Variants in COQ10A observed in about 807,000 individuals in gnomAD.
COQ10A encodes coenzyme Q10A.
COQ10A carries 25 observed loss-of-function variants against 26.1 expected under a neutral mutation model. That is an observed-to-expected ratio of 0.96 (90% CI 0.70 to 1.34). COQ10A has a LOEUF of 1.34. Ranked by LOEUF, COQ10A falls within the 40% of genes most tolerant of loss-of-function variation. The probability of loss-of-function intolerance (pLI) is 0.00; values close to 1 mark genes in which losing one functional copy is unlikely to be tolerated. For missense variants in COQ10A, 312 were observed against 335.4 expected (o/e 0.93, Z 0.54); for synonymous variants, 132 against 124.0 (o/e 1.06, Z -0.43).
intron 2 of COQ10A, 185 bp downstream of exon 2, chr12:56,268,125 T>G: frequency 1.3e-6 from 1 of 744,710 alleles, no homozygotes; most frequent in East Asian, 2.6e-5. Context: ...CCTTCTTGGT[T>G]GCTGTGCATG....
intron 4 of COQ10A, 144 bp from the exon 5 acceptor site, chr12:56,270,006 C>A: frequency 1.3e-6 from 1 of 753,114 alleles, no homozygotes; most frequent in Non-Finnish European, 2.2e-6. Flanking sequence ...ACTCCGTGCT[C>A]AGTCCCAAGT....
At chr12:56,267,679 G>A (rs775538088) in intron 1 of COQ10A, 115 bp from the exon 2 acceptor site, 1 of 1,437,054 alleles carries the variant, frequency 7.0e-7, no homozygotes, top group Non-Finnish European at 9.8e-7. Context: ...AGGTGCTGGG[G>A]GGAAAGCTTG....
chr12:56,269,906 C>T, intron 4 of COQ10A: 4 of 547,390 alleles, frequency 7.3e-6, no homozygotes, highest in South Asian at 2.1e-5. Flanking sequence ...GGATTACAGG[C>T]GTGAGCCACC....
At chr12:56,268,167 ATACTT>A (rs1872406971) in intron 2 of COQ10A, 1 of 594,184 alleles carries the variant, frequency 1.7e-6, no homozygotes, top group African/African-American at 1.9e-5. Context: ...GGGTTGGACT[ATACTT>A]TAAGACAACA....
intron 1 of COQ10A, 109 bp from the exon 2 acceptor site, chr12:56,267,685 G>A: frequency 6.7e-7 from 1 of 1,484,490 alleles, no homozygotes; most frequent in Non-Finnish European, 9.4e-7. Flanking sequence ...TGGGGGGAAA[G>A]CTTGTTTGGA....
At position 56,270,367 on chromosome 12, in the gene COQ10A, T is replaced by G; in HGVS notation, c.*50T>G. On this transcript the variant is annotated 3_prime_UTR_variant, in exon 5 of 5. Transcript: ENST00000308197. ...CCTTCTACCCCACTTCCCTACACAA[T>G]TCTCTTATTTATTTGGTTTGGCTCC... The G allele has an allele frequency of 6.4e-7, 1 of 1,553,436 alleles. No individual in the cohort carries two copies. The highest frequency in any genetic ancestry group is 8.8e-7 in the Non-Finnish European group (1 of 1,138,734).
rs918755556 is a variant in COQ10A at position 56,270,406 on chromosome 12, A to G, written c.*89A>G. The G allele has an allele frequency of 1.4e-5, 19 of 1,359,050 alleles. No individual in the cohort carries two copies. The highest frequency in any genetic ancestry group is 1.8e-5 in the Non-Finnish European group (18 of 980,290). 84.2% of individuals were successfully genotyped at this position (1,359,050 alleles called of 1,614,324 possible). A position where few individuals can be genotyped will look rare whatever the true frequency, so the allele number is the denominator to read the frequency against. On this transcript the variant is annotated 3_prime_UTR_variant, in exon 5 of 5. Coordinates refer to ENST00000308197, the MANE Select transcript of COQ10A (RefSeq NM_144576.4). ...TGGTTTGGCTCCTGTTCCAATTTGA[A>G]AGGAGTCTGTGTTCATAATACTGTT...
Position 56,267,205 on chromosome 12 carries a change from G to T in COQ10A, c.87G>T (p.Ala29=), listed in dbSNP as rs762027999. ...RCCRLSLSPG[A]QPAPPPGPLP... is the part of the protein sequence containing the mutation. ...GCCGGCTCTCGCTCAGCCCGGGCGC[G>T]CAACCGGCCCCGCCCCCAGGCCCTC... Residue 29 remains alanine (A), a synonymous_variant, in exon 1 of 5, where the codon GCG becomes GCT. Coordinates refer to ENST00000308197, the MANE Select transcript of COQ10A (RefSeq NM_144576.4). 23 of 1,412,964 alleles carry T rather than the reference G, an allele frequency of 1.6e-5. No individual in the cohort carries two copies. The highest frequency in any genetic ancestry group is 1.8e-6 in the Non-Finnish European group (2 of 1,086,286). 87.5% of individuals were successfully genotyped at this position (1,412,964 alleles called of 1,614,324 possible). A position where few individuals can be genotyped will look rare whatever the true frequency, so the allele number is the denominator to read the frequency against.
In COQ10A at chr12:56,269,208, G is replaced by A. The variant is rs776841101; in HGVS notation, c.431G>A (p.Arg144His). The A allele has an allele frequency of 6.4e-5, 103 of 1,614,028 alleles. No homozygotes were observed. The highest frequency in any genetic ancestry group is 8.2e-5 in the Non-Finnish European group (97 of 1,180,034). ...LEVGFPPVME[R>H]YTSAVSMVKP... ...GTTGGCTTTCCACCTGTCATGGAAC[G>A]TTACACCTCTGCAGTTTCCATGGTC... The change falls in exon 3 of 5, where the codon CGT becomes CAT. Residue 144 changes from arginine to histidine, a missense_variant. Arg to His is a conservative substitution (Grantham distance 29). Transcript: ENST00000308197.
Position 56,270,236 on chromosome 12 carries a change from T to A in COQ10A, c.663T>A (p.Phe221Leu). The A allele has an allele frequency of 6.2e-7, 1 of 1,614,194 alleles. No homozygotes were observed. Among genetic ancestry groups the A allele is most frequent in the Non-Finnish European group, 8.5e-7 (1 of 1,180,012 alleles). The change falls in exon 5 of 5, where the codon TTT becomes TTA. Residue 221 changes from phenylalanine to leucine, a missense_variant. By Grantham distance (22) the Phe-to-Leu change is conservative (BLOSUM62 0). Coordinates refer to ENST00000308197, the MANE Select transcript of COQ10A (RefSeq NM_144576.4). The stretch of plus-strand genomic sequence containing the variant: ...TTGTCAAACAGAATGTTGCTGCCTT[T>A]GAGCGTCGGGCAGCCACCAAGTTTG... The part of the protein sequence containing the change: ...DEVVKQNVAA[F>L]ERRAATKFGP...
chr12:56,269,456 C>T lies in COQ10A; in HGVS notation c.475-4C>T. ...TATTTAACTACCTGATTACCCTATT[C>T]TAGGCTGTTTGTACTGATGGCAAGC... On this transcript the variant is annotated splice_polypyrimidine_tract_variant and splice_region_variant and intron_variant, in intron 3 of 4. Coordinates refer to ENST00000308197, the MANE Select transcript of COQ10A (RefSeq NM_144576.4). 1 of 1,611,330 alleles carries T rather than the reference C, an allele frequency of 6.2e-7. No homozygotes were observed. The highest frequency in any genetic ancestry group is 8.5e-7 in the Non-Finnish European group (1 of 1,177,460).
Position 56,267,032 on chromosome 12 carries a change from C to T in COQ10A, c.-87C>T. The T allele has an allele frequency of 1.7e-6, 2 of 1,198,022 alleles. No individual in the cohort carries two copies. Among genetic ancestry groups the T allele is most frequent in the African/African-American group, 1.6e-5 (1 of 62,764 alleles). 74.2% of individuals were successfully genotyped at this position (1,198,022 alleles called of 1,614,324 possible). ...CTGCGCTCAGAGGTCCCGAACCAGC[C>T]CAGCCGCTGCCTCTTGCCGCTCCGC... On this transcript the variant is annotated 5_prime_UTR_variant, in exon 1 of 5. Coordinates refer to ENST00000308197, the MANE Select transcript of COQ10A (RefSeq NM_144576.4).
intron 1 of COQ10A, 162 bp downstream of exon 1, chr12:56,267,414 C>A: frequency 6.2e-7 from 1 of 1,613,904 alleles, no homozygotes; most frequent in South Asian, 1.1e-5. Flanking sequence ...GCAAGTTGTA[C>A]GAGAAGGGAA....
At chr12:56,267,993 C>G (rs967472092) in intron 2 of COQ10A, 53 bp downstream of exon 2, 2 of 1,600,634 alleles carry the variant, frequency 1.2e-6, no homozygotes, top group East Asian at 2.2e-5. Context: ...TCCAAATAAC[C>G]CTGTCCAGGC....
chr12:56,267,052 C>T lies in COQ10A; in HGVS notation c.-67C>T. 2 of 1,224,426 alleles carry T rather than the reference C, an allele frequency of 1.6e-6. No homozygotes were observed. The highest frequency in any genetic ancestry group is 6.5e-4 in the Middle Eastern group (2 of 3,072). 75.8% of individuals were successfully genotyped at this position (1,224,426 alleles called of 1,614,324 possible). Reference sequence around the variant, plus strand: ...CCAGCCCAGCCGCTGCCTCTTGCCGCTCCGCCTTTGGAGTGAGGAGGGCGC... The same window carrying T: ...CCAGCCCAGCCGCTGCCTCTTGCCGTTCCGCCTTTGGAGTGAGGAGGGCGC... On this transcript the variant is annotated 5_prime_UTR_variant, in exon 1 of 5. Transcript: ENST00000308197.
chr12:56,267,241 G>A lies in COQ10A; in HGVS notation c.123G>A (p.Pro41=). 2.0e-6 allele frequency: 3 copies of A among 1,483,744 alleles called. No individual in the cohort carries two copies. Among genetic ancestry groups the A allele is most frequent in the Non-Finnish European group, 2.7e-6 (3 of 1,116,730 alleles). 91.9% of individuals were successfully genotyped at this position (1,483,744 alleles called of 1,614,324 possible). The change falls in exon 1 of 5, where the codon CCG becomes CCA. Residue 41 remains proline (P), a synonymous_variant. Transcript: ENST00000308197. ...CGCCCCCAGGCCCTCTGCCACCGCC[G>A]CGACCAATGAGGTGAGAGGGAGGTG... ...PAPPPGPLPP[P]RPMRFLTSCS...
chr12:56,269,864 T>C (rs887650452), intron 4 of COQ10A: 3 of 521,226 alleles, frequency 5.8e-6, no homozygotes, highest in Middle Eastern at 1.1e-3. Flanking sequence ...TGGCCTCAGG[T>C]GATCCGTCCG....
Position 56,269,533 on chromosome 12 carries a change from A to G in COQ10A, c.548A>G (p.Tyr183Cys), listed in dbSNP as rs753511683. The G allele has an allele frequency of 6.2e-7, 1 of 1,614,102 alleles. No individual in the cohort carries two copies. The highest frequency in any genetic ancestry group is 1.3e-5 in the African/African-American group (1 of 75,042). The change falls in exon 4 of 5, where the codon TAT becomes TGT. Residue 183 changes from tyrosine to cysteine, a missense_variant. Coordinates refer to ENST00000308197, the MANE Select transcript of COQ10A (RefSeq NM_144576.4). ...IWRFSPGIPA[Y>C]PRTCTVDFSI... Reference sequence around the variant, plus strand: ...CGATTCAGCCCTGGTATTCCTGCCTATCCTCGAACCTGCACTGTGGACTTT... The same window carrying G: ...CGATTCAGCCCTGGTATTCCTGCCTGTCCTCGAACCTGCACTGTGGACTTT...
intron 1 of COQ10A, chr12:56,267,571 T>C: frequency 8.5e-7 from 1 of 1,178,324 alleles, no homozygotes. Flanking sequence ...CACCCCTTTT[T>C]CTCATCCCCC....
Sources: gnomAD v4.1 joint callset for allele counts on GRCh38, gnomAD v4.1.1 for gene constraint, MANE v1.5 for transcripts, NCBI Gene and HGNC (gene_info 2026-07-23, HGNC 2026-07-21) for gene names.